The following AVEN variants were observed in gnomAD, a reference collection of about 807,000 sequenced individuals.
The protein encoded by AVEN is cell death regulator Aven.
Under a neutral mutation model 38.1 loss-of-function variants are expected in AVEN, and 41 were observed. The observed-to-expected ratio is 1.08, with a 90% confidence interval of 0.84 to 1.40. AVEN has a LOEUF of 1.40. AVEN is among the 40% of genes most tolerant of loss of function. The pLI, the probability that AVEN is intolerant of heterozygous loss-of-function variation, is 0.00. For missense variants in AVEN, 605 were observed against 438.8 expected, an observed-to-expected ratio of 1.38 and a Z score of -3.38; for synonymous variants, 206 against 171.8, an observed-to-expected ratio of 1.20 and a Z score of -1.56.
At chr15:34,003,261 A>G in intron 1 of AVEN, 52 bp from the exon 2 acceptor site, 1 of 1,560,498 alleles carries the variant, frequency 6.4e-7, no homozygotes, top group Non-Finnish European at 8.7e-7. Context: ...TCCTGACCTT[A>G]GTAGACTTCC....
chr15:34,034,409 C>A (rs1460751163), intron 1 of AVEN, among the ~76,000 whole-genome samples: 3 of 149,214 alleles, frequency 2.0e-5, no homozygotes, highest in African/African-American at 7.4e-5. Context: ...CTACTGCACT[C>A]CAGCGTGAGC....
intron 3 of AVEN, among the ~76,000 whole-genome samples, chr15:33,875,050 C>A (rs962668455): frequency 6.6e-6 from 1 of 152,166 alleles, no homozygotes. Context: ...CTAAGAGACT[C>A]CCCTCCTCGT....
intron 2 of AVEN, among the ~76,000 whole-genome samples, chr15:33,889,768 T>C (rs957267965): frequency 2.0e-5 from 3 of 152,242 alleles, no homozygotes; most frequent in Non-Finnish European, 4.4e-5. Flanking sequence ...AGAGCAAATA[T>C]GTGCAATCTG....
At position 34,045,880 on chromosome 15, in the gene AVEN, C is replaced by A. The variant is rs145922646; in HGVS notation, n.1637+17042G>T. On this transcript the variant is annotated intron_variant and non_coding_transcript_variant, in intron 5 of 11. Transcript: ENST00000675287. ...TTGACAGCAGAGAACAAGAAACAAT[C>A]GGCCAAGGTTGGAAACCCAGAGGCT... Among the ~76,000 whole-genome samples, 7 of 152,236 alleles carry A rather than the reference C, an allele frequency of 4.6e-5. No homozygotes were observed. The East Asian group carries it at 1.2e-3, about 25-fold the overall frequency.
At chr15:33,944,592 G>A (rs1393144711) in intron 2 of AVEN, among the ~76,000 whole-genome samples, 2 of 152,102 alleles carry the variant, frequency 1.3e-5, no homozygotes, top group South Asian at 4.1e-4. Context: ...GGTGGATCAC[G>A]AGGTCAGGAG....
chr15:33,961,794 C>A (rs557334886), intron 2 of AVEN, among the ~76,000 whole-genome samples: 3 of 109,850 alleles, frequency 2.7e-5, no homozygotes, highest in African/African-American at 3.8e-5. Context: ...GCCTGGGCGA[C>A]AGAGTGAGAC....
At chr15:34,043,169 C>A (rs1899547746), upstream of AVEN, among the ~76,000 whole-genome samples, 2 of 151,666 alleles carry the variant, frequency 1.3e-5, no homozygotes, top group South Asian at 4.2e-4. Context: ...ATGGCGTGAA[C>A]CTGGGAGGCA....
At chr15:33,923,827 C>G (rs144554741) in intron 2 of AVEN, among the ~76,000 whole-genome samples, 64 of 151,868 alleles carry the variant, frequency 4.2e-4, no homozygotes, top group African/African-American at 1.5e-3. Context: ...AGCACAAACT[C>G]TATTGTGAAC....
chr15:33,960,748 G>T (rs1567434584), intron 2 of AVEN, among the ~76,000 whole-genome samples: 1 of 152,122 alleles, frequency 6.6e-6, no homozygotes, highest in Non-Finnish European at 1.5e-5. Context: ...AGCGACTTGA[G>T]TATAACATAA....
At chr15:33,872,757 CTGTT>C (rs200463950) in intron 3 of AVEN, among the ~76,000 whole-genome samples, 3 of 152,244 alleles carry the variant, frequency 2.0e-5, no homozygotes, top group East Asian at 1.9e-4. Flanking sequence ...AATAATAAAT[CTGTT>C]TGTTCACCCA....
chr15:33,895,752 T>C (rs1892208482), intron 2 of AVEN, among the ~76,000 whole-genome samples: 1 of 152,192 alleles, frequency 6.6e-6, no homozygotes. Flanking sequence ...ATCTGTATTA[T>C]ATTCAAAATG....
chr15:33,995,801 G>C (rs1372608917), intron 2 of AVEN, among the ~76,000 whole-genome samples: 1 of 152,238 alleles, frequency 6.6e-6, no homozygotes, highest in African/African-American at 2.4e-5. Context: ...TTCCAACTGA[G>C]GTACCTGGTT....
intron 1 of AVEN, among the ~76,000 whole-genome samples, chr15:34,073,201 C>T (rs1900664437): frequency 6.9e-6 from 1 of 144,008 alleles, no homozygotes; most frequent in Non-Finnish European, 1.5e-5. Flanking sequence ...CCACCTCGCC[C>T]GGCTAATTTT....
In AVEN at chr15:33,933,524, CAGAG is replaced by C. The variant is rs3086294; in HGVS notation, c.446-57533_446-57530del. On this transcript the variant is annotated intron_variant, in intron 2 of 5. Transcript: ENST00000306730. ...ACACACACACACACACACACACACA[CAGAG>C]AGAGAGAGAGAGAGAGAGAGAGAGA... 4.0e-3 allele frequency among the ~76,000 whole-genome samples: 185 copies of C among 46,532 alleles called. 2 individuals are homozygous for C. The highest frequency in any genetic ancestry group is 5.1e-3 in the African/African-American group (72 of 14,130). The allele number at this position is 46,532 out of a possible 152,430, so 30.5% of individuals were successfully genotyped here.
In AVEN at chr15:34,038,805, C is replaced by A. The variant is rs1899301266; in HGVS notation, c.242G>T (p.Gly81Val). ...CGGCGCGCTGGCCCCTGCGCCCCAG[C>A]CTCCCGGCTCCCGGCGGCTGCCTCG... ...APRGSRREPGGWGAGASAPVE... is the reference protein window; with the variant it reads ...APRGSRREPGVWGAGASAPVE... The change falls in exon 1 of 6, where the codon GGC becomes GTC. Residue 81 changes from glycine to valine, a missense_variant. Physicochemically the swap from Gly to Val is moderately radical, Grantham distance 109. Transcript: ENST00000306730. The A allele has an allele frequency of 8.4e-6, 10 of 1,193,168 alleles. No individual in the cohort carries two copies. The highest frequency in any genetic ancestry group is 1.0e-5 in the Non-Finnish European group (10 of 962,578). 73.9% of individuals were successfully genotyped at this position (1,193,168 alleles called of 1,614,324 possible). A position where few individuals can be genotyped will look rare whatever the true frequency, so the allele number is the denominator to read the frequency against.
At chr15:34,032,347 A>C (rs1213568947) in intron 1 of AVEN, among the ~76,000 whole-genome samples, 2 of 152,174 alleles carry the variant, frequency 1.3e-5, no homozygotes, top group Non-Finnish European at 2.9e-5. Context: ...TTTCTGGAAA[A>C]AAAATAAGAA....
At chr15:33,927,463 G>A (rs912948621) in intron 2 of AVEN, among the ~76,000 whole-genome samples, 1 of 152,046 alleles carries the variant, frequency 6.6e-6, no homozygotes, top group African/African-American at 2.4e-5. Flanking sequence ...CCAACTATAT[G>A]TATAAAACAC....
At chr15:33,889,759 G>C (rs1219839925) in intron 2 of AVEN, among the ~76,000 whole-genome samples, 2 of 152,168 alleles carry the variant, frequency 1.3e-5, no homozygotes, top group African/African-American at 2.4e-5. Flanking sequence ...TCAAAAATTA[G>C]AGCAAATATG....
At chr15:34,009,887 A>G (rs1006034203) in intron 1 of AVEN, among the ~76,000 whole-genome samples, 1 of 152,138 alleles carries the variant, frequency 6.6e-6, no homozygotes, top group Admixed American at 6.6e-5. Context: ...ACTTGAGCCC[A>G]AGAGTTTGAA....
Sources: gnomAD v4.1 joint callset for allele counts (sites outside exome capture counted in the v4.1 genomes callset) on GRCh38, gnomAD v4.1.1 for gene constraint, MANE v1.5 for transcripts, NCBI Gene and HGNC (gene_info 2026-07-23, HGNC 2026-07-21) for gene names.